RBFOX1: variants seen among roughly 807,000 people sequenced by gnomAD.
The protein encoded by RBFOX1 is RNA binding fox-1 homolog 1.
RBFOX1 carries 8 observed loss-of-function variants against 57.7 expected under a neutral mutation model. That is an observed-to-expected ratio of 0.14 (90% CI 0.08 to 0.25). RBFOX1 has a LOEUF of 0.25. Among genes scored for constraint, RBFOX1 ranks in the 10% least tolerant of loss-of-function variants. The pLI is 1.00. For missense variants in RBFOX1, 611 were observed against 548.5 expected, an observed-to-expected ratio of 1.11 and a Z score of -1.14; for synonymous variants, 326 against 222.4, an observed-to-expected ratio of 1.47 and a Z score of -4.15.
intron 4 of RBFOX1, among the ~76,000 whole-genome samples, chr16:7,498,226 A>G (rs914770330): frequency 8.5e-5 from 13 of 152,154 alleles, no homozygotes; most frequent in Admixed American, 2.6e-4. Flanking sequence ...GTCCATTTCA[A>G]AAAATGTTCA....
At chr16:6,064,260 A>G (rs1160989205) in intron 1 of RBFOX1, among the ~76,000 whole-genome samples, 4 of 152,308 alleles carry the variant, frequency 2.6e-5, no homozygotes, top group African/African-American at 7.2e-5. Flanking sequence ...TTCCATATCT[A>G]TAACTGTCCT....
intron 1 of RBFOX1, among the ~76,000 whole-genome samples, chr16:5,389,113 C>T (rs2066334348): frequency 2.6e-5 from 4 of 151,680 alleles, no homozygotes. Flanking sequence ...ATGGCGTGAA[C>T]CCGGGAGGCG....
intron 4 of RBFOX1, among the ~76,000 whole-genome samples, chr16:5,897,488 G>A (rs1471894169): frequency 3.3e-5 from 5 of 152,146 alleles, no homozygotes; most frequent in Non-Finnish European, 7.3e-5. Flanking sequence ...TAGGATCAAT[G>A]TTATTCTCGA....
intron 1 of RBFOX1, among the ~76,000 whole-genome samples, chr16:6,187,642 A>T (rs2097113577): frequency 6.6e-6 from 1 of 152,216 alleles, no homozygotes; most frequent in South Asian, 2.1e-4. Context: ...ATCAGGATAC[A>T]GGTGGTTCCA....
At chr16:5,872,692 C>T (rs1417213369) in intron 4 of RBFOX1, among the ~76,000 whole-genome samples, 3 of 151,630 alleles carry the variant, frequency 2.0e-5, no homozygotes, top group East Asian at 2.0e-4. Flanking sequence ...GGCAAGATTG[C>T]ACCACTGCAC....
chr16:6,276,824 T>C lies in RBFOX1; in HGVS notation c.-126-40171T>C, dbSNP rs77044758. ...TAATTATTTCTTTTCTTTGCTTTTT[T>C]TTTTTTATTAACTATGCTCCTTCCA... On this transcript the variant is annotated intron_variant, in intron 1 of 15. Coordinates refer to ENST00000550418, the MANE Select transcript of RBFOX1 (RefSeq NM_018723.4). 4.7e-4 allele frequency among the ~76,000 whole-genome samples: 72 copies of C among 152,276 alleles called. No individual in the cohort carries two copies. In the East Asian group the frequency reaches 0.012, roughly 26 times the overall value.
At chr16:7,104,048 T>A (rs577283101) in intron 4 of RBFOX1, among the ~76,000 whole-genome samples, 2 of 152,290 alleles carry the variant, frequency 1.3e-5, no homozygotes, top group East Asian at 3.9e-4. Flanking sequence ...ATATAAAATC[T>A]AAAATAGTTC....
chr16:6,769,721 A>T (rs1029859278), intron 3 of RBFOX1, among the ~76,000 whole-genome samples: 14 of 152,114 alleles, frequency 9.2e-5, no homozygotes, highest in African/African-American at 3.4e-4. Context: ...CTGTGGCTTG[A>T]TCTTGGCTGA....
intron 1 of RBFOX1, among the ~76,000 whole-genome samples, chr16:6,053,832 A>G (rs1187965176): frequency 2.0e-5 from 3 of 152,068 alleles, no homozygotes; most frequent in African/African-American, 4.8e-5. Context: ...CTGAGGCAGG[A>G]GGATCGCTTG....
intron 1 of RBFOX1, among the ~76,000 whole-genome samples, chr16:6,225,194 T>C (rs971548274): frequency 6.7e-6 from 1 of 150,136 alleles, no homozygotes; most frequent in African/African-American, 2.5e-5. Flanking sequence ...ACAATCCCAA[T>C]ACGTGCTAAC....
At chr16:7,636,161 C>T (rs560168766) in intron 11 of RBFOX1, among the ~76,000 whole-genome samples, 4 of 152,336 alleles carry the variant, frequency 2.6e-5, no homozygotes, top group East Asian at 3.9e-4. Context: ...AAAATATTTG[C>T]AAATACCCTT....
At chr16:7,694,622 G>T (rs150531282) in intron 14 of RBFOX1, among the ~76,000 whole-genome samples, 1 of 152,116 alleles carries the variant, frequency 6.6e-6, no homozygotes, top group Non-Finnish European at 1.5e-5. Flanking sequence ...CCCTAGACTC[G>T]TATCTCTGCT....
chr16:7,504,724 T>TAA (rs2072255264), intron 4 of RBFOX1, among the ~76,000 whole-genome samples: 1 of 9,726 alleles, frequency 1.0e-4, no homozygotes, highest in Non-Finnish European at 2.0e-4. Context: ...TATATATATA[T>TAA]ATATATATAT....
At chr16:5,730,953 A>G (rs190761893) in intron 3 of RBFOX1, among the ~76,000 whole-genome samples, 50 of 148,712 alleles carry the variant, frequency 3.4e-4, no homozygotes, top group African/African-American at 1.1e-3. Flanking sequence ...CACTATCAGT[A>G]TCACCACCGT....
intron 4 of RBFOX1, among the ~76,000 whole-genome samples, chr16:7,217,296 T>TC: frequency 7.1e-6 from 1 of 140,434 alleles, no homozygotes; most frequent in African/African-American, 2.6e-5. Flanking sequence ...ATTCTTCTTT[T>TC]TTTTTTTTTT....
At chr16:6,709,966 G>A (rs534394670) in intron 3 of RBFOX1, among the ~76,000 whole-genome samples, 1 of 152,196 alleles carries the variant, frequency 6.6e-6, no homozygotes, top group South Asian at 2.1e-4. Context: ...GTTGGCAGAC[G>A]GCACAGCCAC....
chr16:7,373,053 T>C (rs1443334380), intron 4 of RBFOX1, among the ~76,000 whole-genome samples: 3 of 151,908 alleles, frequency 2.0e-5, no homozygotes, highest in Non-Finnish European at 4.4e-5. Context: ...TGCCTCAGCC[T>C]CCCGAGTAGC....
chr16:7,595,991 A>C (rs2094669015), intron 8 of RBFOX1, among the ~76,000 whole-genome samples: 1 of 151,604 alleles, frequency 6.6e-6, no homozygotes, highest in African/African-American at 2.4e-5. Flanking sequence ...AATACAGAAC[A>C]GTTTCTTTTT....
intron 3 of RBFOX1, among the ~76,000 whole-genome samples, chr16:6,866,288 G>A (rs2059897264): frequency 6.6e-6 from 1 of 151,764 alleles, no homozygotes; most frequent in South Asian, 2.1e-4. Context: ...TGGATAGGGT[G>A]GCTGATGGGC....
Sources: gnomAD v4.1 joint callset for allele counts (sites outside exome capture counted in the v4.1 genomes callset) on GRCh38, gnomAD v4.1.1 for gene constraint, MANE v1.5 for transcripts, NCBI Gene and HGNC (gene_info 2026-07-23, HGNC 2026-07-21) for gene names.